The following KIAA1217 variants were observed in gnomAD, a reference collection of about 807,000 sequenced individuals.
KIAA1217 encodes KIAA1217, also known as sickle tail protein homolog.
Under a neutral mutation model 163.9 loss-of-function variants are expected in KIAA1217, and 88 were observed. The ratio of observed to expected loss-of-function variants is 0.54; its 90% CI spans 0.45 to 0.64. The LOEUF (loss-of-function observed/expected upper bound fraction) is 0.64, where lower values mean the gene tolerates loss of function less well. Ranked by LOEUF, KIAA1217 falls within the 30% of genes least tolerant of loss-of-function variation. The probability of loss-of-function intolerance (pLI) is 0.00; values close to 1 mark genes in which losing one functional copy is unlikely to be tolerated. For missense variants in KIAA1217, 2,372 were observed against 2,475.0 expected, an observed-to-expected ratio of 0.96 and a Z score of 0.88; for synonymous variants, 903 against 923.1, an observed-to-expected ratio of 0.98 and a Z score of 0.39.
chr10:24,330,554 A>G (rs1007813170), intron 2 of KIAA1217, among the ~76,000 whole-genome samples: 4 of 152,168 alleles, frequency 2.6e-5, no homozygotes, highest in Non-Finnish European at 5.9e-5. Context: ...CCTTGGAGGT[A>G]TCAGGGGTCT....
At chr10:24,147,949 A>C (rs1187084698) in intron 2 of KIAA1217, among the ~76,000 whole-genome samples, 1 of 152,030 alleles carries the variant, frequency 6.6e-6, no homozygotes, top group African/African-American at 2.4e-5. Flanking sequence ...AAGATTCAAA[A>C]TAAAAGCTAT....
At chr10:24,236,176 T>C (rs2072226650) in intron 2 of KIAA1217, among the ~76,000 whole-genome samples, 1 of 152,220 alleles carries the variant, frequency 6.6e-6, no homozygotes, top group South Asian at 2.1e-4. Context: ...AATTGATATT[T>C]TGCTTGAAAG....
chr10:24,097,401 A>G (rs1008559236), intron 2 of KIAA1217, among the ~76,000 whole-genome samples: 2 of 152,098 alleles, frequency 1.3e-5, no homozygotes, highest in Non-Finnish European at 1.5e-5. Context: ...ACACAAAAAA[A>G]CATTAGCCAA....
At chr10:23,719,464 C>G (rs933274464) in intron 1 of KIAA1217, among the ~76,000 whole-genome samples, 11 of 152,020 alleles carry the variant, frequency 7.2e-5, no homozygotes, top group Non-Finnish European at 1.5e-4. Flanking sequence ...ACCTATAGTC[C>G]CAGCTACTCA....
chr10:24,083,492 C>T (rs1401351853), intron 2 of KIAA1217, among the ~76,000 whole-genome samples: 1 of 152,152 alleles, frequency 6.6e-6, no homozygotes, highest in Non-Finnish European at 1.5e-5. Context: ...TGCTTGCTAG[C>T]CTTGTGGCTT....
intron 1 of KIAA1217, among the ~76,000 whole-genome samples, chr10:23,964,628 TC>T (rs1219601632): frequency 1.3e-5 from 2 of 152,080 alleles, no homozygotes; most frequent in African/African-American, 4.8e-5. Context: ...CCATCTCGGC[TC>T]ACTGCAACCG....
At chr10:24,204,754 A>G (rs1480205781), upstream of KIAA1217, among the ~76,000 whole-genome samples, 1 of 152,232 alleles carries the variant, frequency 6.6e-6, no homozygotes, top group Non-Finnish European at 1.5e-5. Context: ...TGTCAAAACT[A>G]GGATTGGAGA....
chr10:24,186,336 G>C (rs1160434512), intron 2 of KIAA1217, among the ~76,000 whole-genome samples: 1 of 152,082 alleles, frequency 6.6e-6, no homozygotes, highest in African/African-American at 2.4e-5. Context: ...TAAAATTCTT[G>C]AGTCATACTT....
intron 1 of KIAA1217, among the ~76,000 whole-genome samples, chr10:23,946,839 C>T (rs1328611650): frequency 6.6e-6 from 1 of 152,058 alleles, no homozygotes. Context: ...TACTATATGA[C>T]ATGGTTTTGC....
intron 2 of KIAA1217, among the ~76,000 whole-genome samples, chr10:24,203,327 G>A (rs999009153): frequency 1.1e-4 from 17 of 152,136 alleles, no homozygotes; most frequent in Non-Finnish European, 1.9e-4. Context: ...GAAAAAAGAG[G>A]ATAAAAGATC....
chr10:23,932,900 T>C (rs1843315114), intron 1 of KIAA1217, among the ~76,000 whole-genome samples: 2 of 152,240 alleles, frequency 1.3e-5, no homozygotes, highest in South Asian at 2.1e-4. Context: ...GAAGAATTGA[T>C]AAATATGAAA....
At chr10:23,969,183 C>T (rs573523498) in intron 1 of KIAA1217, among the ~76,000 whole-genome samples, 12 of 152,092 alleles carry the variant, frequency 7.9e-5, no homozygotes, top group East Asian at 5.8e-4. Flanking sequence ...TACAGGCACG[C>T]GCCACTATGC....
intron 1 of KIAA1217, among the ~76,000 whole-genome samples, chr10:23,946,816 G>A (rs79406852): frequency 7.2e-5 from 11 of 152,066 alleles, no homozygotes; most frequent in African/African-American, 2.2e-4. Context: ...ATTTTTTTGA[G>A]TAAGAATTCA....
At chr10:24,000,724 G>T (rs144280535) in intron 1 of KIAA1217, among the ~76,000 whole-genome samples, 1 of 152,220 alleles carries the variant, frequency 6.6e-6, no homozygotes, top group Admixed American at 6.5e-5. Flanking sequence ...AGATTGATGA[G>T]CATGAGAAAA....
At chr10:23,749,872 G>A (rs2130830629) in intron 1 of KIAA1217, among the ~76,000 whole-genome samples, 1 of 152,230 alleles carries the variant, frequency 6.6e-6, no homozygotes, top group Admixed American at 6.5e-5. Context: ...TGTACAAAAG[G>A]GACTAATATT....
intron 2 of KIAA1217, among the ~76,000 whole-genome samples, chr10:24,253,872 G>C (rs2074839983): frequency 6.6e-6 from 1 of 151,988 alleles, no homozygotes; most frequent in African/African-American, 2.4e-5. Context: ...CCATGATCAG[G>C]CCACTGCACT....
chr10:24,070,938 A>G (rs1036713962), intron 2 of KIAA1217, among the ~76,000 whole-genome samples: 5 of 152,130 alleles, frequency 3.3e-5, no homozygotes, highest in African/African-American at 9.7e-5. Context: ...TGGTTGGGTG[A>G]CTTTGTACCC....
intron 5 of KIAA1217, among the ~76,000 whole-genome samples, chr10:24,469,000 G>A (rs765864313): frequency 8.6e-5 from 13 of 151,968 alleles, no homozygotes; most frequent in Non-Finnish European, 1.9e-4. Flanking sequence ...AAATACCTTT[G>A]CTGTTTTCAA....
rs116373389 is a variant in KIAA1217 at position 24,395,444 on chromosome 10, C to T, written c.553+14377C>T. ...CTGCCCTTCTCCTGCCCCAGGGACA[C>T]TCTGGCTCCAACCATGGTCAGTTTA... is the stretch of plus-strand genomic sequence containing the variant. On this transcript the variant is annotated intron_variant, in intron 3 of 20. Transcript: ENST00000376454. Among the ~76,000 whole-genome samples the T allele has an allele frequency of 5.2e-3, 785 of 152,342 alleles. 8 individuals carry two copies. Among genetic ancestry groups the T allele is most frequent in the African/African-American group, 0.017 (727 of 41,574 alleles).
Sources: allele counts gnomAD v4.1 joint callset (sites outside exome capture counted in the v4.1 genomes callset), GRCh38; gene constraint gnomAD v4.1.1; transcripts MANE v1.5; gene names NCBI Gene and HGNC (gene_info 2026-07-23, HGNC 2026-07-21).